The following PTPRN2 variants were observed in gnomAD, a reference collection of about 807,000 sequenced individuals.
PTPRN2 encodes the protein receptor-type tyrosine-protein phosphatase N2.
PTPRN2 carries 74 observed loss-of-function variants against 118.8 expected under a neutral mutation model. The observed-to-expected ratio is 0.62, with a 90% confidence interval of 0.52 to 0.76. PTPRN2 has a LOEUF of 0.76. PTPRN2 is among the 30% of genes least tolerant of loss of function. PTPRN2 has a pLI of 0.00. For missense variants in PTPRN2, 1,481 were observed against 1,394.4 expected, an observed-to-expected ratio of 1.06 and a Z score of -0.99; for synonymous variants, 641 against 608.0, an observed-to-expected ratio of 1.05 and a Z score of -0.80.
intron 2 of PTPRN2, among the ~76,000 whole-genome samples, chr7:158,428,325 G>A (rs531684561): frequency 4.6e-5 from 7 of 152,292 alleles, no homozygotes; most frequent in African/African-American, 1.4e-4. Context: ...GCCTGCTCTT[G>A]GTGGCTCAGA....
chr7:158,088,333 C>T (rs573821469), intron 10 of PTPRN2, among the ~76,000 whole-genome samples: 1 of 31,178 alleles, frequency 3.2e-5, no homozygotes, highest in African/African-American at 5.7e-5. Flanking sequence ...AGTCTTCACA[C>T]AAACCTTCCT....
intron 4 of PTPRN2, among the ~76,000 whole-genome samples, chr7:158,204,117 T>A (rs4604380): frequency 0.46 from 65,673 of 142,530 alleles, 14,812 homozygotes; most frequent in East Asian, 0.58. Context: ...TGTGCGCCGC[T>A]TGCTGGGGAA....
intron 2 of PTPRN2, among the ~76,000 whole-genome samples, chr7:158,376,618 G>A (rs1454048061): frequency 4.1e-4 from 40 of 96,892 alleles, no homozygotes; most frequent in African/African-American, 1.6e-3. Flanking sequence ...CTGAGAGGGG[G>A]GTCAGGGGAC....
At position 157,576,722 on chromosome 7, in the gene PTPRN2, G is replaced by C; in HGVS notation, c.2674C>G (p.Leu892Val). The C allele has an allele frequency of 6.2e-7, 1 of 1,609,858 alleles. No individual in the cohort carries two copies. Among genetic ancestry groups the C allele is most frequent in the South Asian group, 1.1e-5 (1 of 90,236 alleles). ...CEDFLVRSFY[L>V]KNLQTNETRT... ...GTCTCGTTGGTCTGCAGGTTCTTCA[G>C]ATAGAAGCTCCTCACCAGGAAGTCC... Residue 892 changes from leucine to valine, a missense_variant, in exon 19 of 23, where the codon CTG becomes GTG. Physicochemically the swap from Leu to Val is conservative, Grantham distance 32. Coordinates refer to ENST00000389418, the MANE Select transcript of PTPRN2 (RefSeq NM_002847.5).
At position 157,901,420 on chromosome 7, in the gene PTPRN2, C is replaced by T. The variant is rs148398084; in HGVS notation, c.1724-2683G>A. Reference sequence around the variant, plus strand: ...AACCAGATACAGAGTTGCAGGCGTGCGGGGAAGAGTTCCCACCATGCAGAC... The same window carrying T: ...AACCAGATACAGAGTTGCAGGCGTGTGGGGAAGAGTTCCCACCATGCAGAC... On this transcript the variant is annotated intron_variant, in intron 11 of 22. Coordinates refer to ENST00000389418, the MANE Select transcript of PTPRN2 (RefSeq NM_002847.5). 6.0e-3 allele frequency among the ~76,000 whole-genome samples: 919 copies of T among 152,144 alleles called. 10 individuals are homozygous for T. Among genetic ancestry groups the T allele is most frequent in the African/African-American group, 0.014 (600 of 41,518 alleles).
intron 11 of PTPRN2, among the ~76,000 whole-genome samples, chr7:158,024,770 G>C (rs1311104822): frequency 2.0e-5 from 3 of 152,254 alleles, no homozygotes; most frequent in Non-Finnish European, 2.9e-5. Context: ...TTCCAGGGAG[G>C]ATAAGGCATG....
chr7:157,581,257 G>C (rs1314958127), intron 17 of PTPRN2, among the ~76,000 whole-genome samples: 2 of 152,260 alleles, frequency 1.3e-5, no homozygotes, highest in African/African-American at 4.8e-5. Flanking sequence ...TGGATCCCGA[G>C]TGTGAACGGC....
chr7:158,290,339 G>C (rs1271746282), intron 3 of PTPRN2, among the ~76,000 whole-genome samples: 2 of 152,178 alleles, frequency 1.3e-5, no homozygotes, highest in Non-Finnish European at 2.9e-5. Flanking sequence ...GGCCTACCAG[G>C]ATAGGCCTGG....
intron 2 of PTPRN2, among the ~76,000 whole-genome samples, chr7:158,419,469 G>A (rs957963523): frequency 4.9e-5 from 4 of 82,070 alleles, no homozygotes; most frequent in Non-Finnish European, 9.0e-5. Context: ...TCAGTCAAGT[G>A]CACGGGGCCT....
chr7:157,540,676 T>G lies in PTPRN2; in HGVS notation c.*38A>C. On this transcript the variant is annotated 3_prime_UTR_variant, in exon 23 of 23. Coordinates refer to ENST00000389418, the MANE Select transcript of PTPRN2 (RefSeq NM_002847.5). Reference sequence around the variant, plus strand: ...AGATCATGATTCCTGACAACATCCGTGGGGTGGGGGCTCCCCTGAGGCCCC... The same window carrying G: ...AGATCATGATTCCTGACAACATCCGGGGGGTGGGGGCTCCCCTGAGGCCCC... 1 of 1,466,770 alleles carries G rather than the reference T, an allele frequency of 6.8e-7. No individual in the cohort carries two copies. 90.9% of individuals were successfully genotyped at this position (1,466,770 alleles called of 1,614,324 possible).
intron 3 of PTPRN2, among the ~76,000 whole-genome samples, chr7:158,252,975 GT>G (rs1335942517): frequency 6.6e-6 from 1 of 152,188 alleles, no homozygotes; most frequent in Non-Finnish European, 1.5e-5. Flanking sequence ...GTGGCCCGAG[GT>G]TCCTCCTGTC....
chr7:157,725,127 G>A (rs1240121159), intron 12 of PTPRN2, among the ~76,000 whole-genome samples: 1 of 152,110 alleles, frequency 6.6e-6, no homozygotes, highest in African/African-American at 2.4e-5. Flanking sequence ...GGTGGTTCTG[G>A]GAGAACTGGA....
At chr7:158,319,632 C>T (rs866177515) in intron 2 of PTPRN2, among the ~76,000 whole-genome samples, 7 of 40,478 alleles carry the variant, frequency 1.7e-4, no homozygotes, top group East Asian at 7.7e-4. Context: ...GCCTCCCTCA[C>T]ACACACACAG....
Position 157,973,225 on chromosome 7 carries a change from C to T in PTPRN2, c.1724-74488G>A, listed in dbSNP as rs115936724. On this transcript the variant is annotated intron_variant, in intron 11 of 22. Transcript: ENST00000389418. ...TCGAGGGATGAAGCAGCTTTGCTGG[C>T]AGTTTTGGGGAAGACAGCCCTACTT... 3.8e-3 allele frequency among the ~76,000 whole-genome samples: 577 copies of T among 152,282 alleles called. 3 individuals carry two copies. Among genetic ancestry groups the T allele is most frequent in the African/African-American group, 0.012 (514 of 41,562 alleles).
At chr7:158,331,557 C>A (rs1804452086) in intron 2 of PTPRN2, among the ~76,000 whole-genome samples, 2 of 143,892 alleles carry the variant, frequency 1.4e-5, no homozygotes, top group Admixed American at 6.8e-5. Context: ...CTGACACCCG[C>A]AGACGTCACT....
rs1180371773 is a variant in PTPRN2, at chr7:157,974,691, G to A, written c.1724-75954C>T. Among the ~76,000 whole-genome samples the A allele has an allele frequency of 2.6e-5, 4 of 151,998 alleles. No homozygotes were observed. The highest frequency in any genetic ancestry group is 7.3e-5 in the African/African-American group (3 of 41,366). On this transcript the variant is annotated intron_variant, in intron 11 of 22. Coordinates refer to ENST00000389418, the MANE Select transcript of PTPRN2 (RefSeq NM_002847.5). The surrounding 1 kb of genome is among the most constrained non-coding windows in gnomAD (Gnocchi z 4.0). Reference sequence around the variant, plus strand: ...CAGAGGGCAGGGGCTGGGGTGGGCAGGGCTCCATGGGAAGACACAGGTAGC... The same window carrying A: ...CAGAGGGCAGGGGCTGGGGTGGGCAAGGCTCCATGGGAAGACACAGGTAGC...
intron 17 of PTPRN2, among the ~76,000 whole-genome samples, chr7:157,580,818 AC>A (rs1311488672): frequency 4.8e-5 from 2 of 41,800 alleles, no homozygotes; most frequent in African/African-American, 2.0e-4. Context: ...ACACCCCAGC[AC>A]CTGCACACCC....
At chr7:157,873,038 G>A (rs1371487306) in intron 12 of PTPRN2, among the ~76,000 whole-genome samples, 1 of 152,212 alleles carries the variant, frequency 6.6e-6, no homozygotes, top group Admixed American at 6.5e-5. Flanking sequence ...GTGGGAACTG[G>A]CCACGGAACA....
At chr7:157,693,447 C>T (rs1360582005) in intron 12 of PTPRN2, among the ~76,000 whole-genome samples, 1 of 152,130 alleles carries the variant, frequency 6.6e-6, no homozygotes, top group African/African-American at 2.4e-5. Context: ...GGAACGCGCG[C>T]AGGCCCCGGG....
Sources: gnomAD v4.1 joint callset for allele counts (sites outside exome capture counted in the v4.1 genomes callset) on GRCh38, gnomAD v4.1.1 for gene constraint, Gnocchi (gnomAD v3.1) non-coding constraint, MANE v1.5 for transcripts, NCBI Gene and HGNC (gene_info 2026-07-23, HGNC 2026-07-21) for gene names.